The following SNTG2 variants were observed in gnomAD, a reference collection of about 807,000 sequenced individuals.
The protein encoded by SNTG2 is gamma-2-syntrophin.
Under a neutral mutation model 70.9 loss-of-function variants are expected in SNTG2, and 74 were observed. The ratio of observed to expected loss-of-function variants is 1.04; its 90% CI spans 0.86 to 1.27. SNTG2 has a LOEUF of 1.27. Ranked by LOEUF, SNTG2 falls within the 50% of genes most tolerant of loss-of-function variation. The pLI is 0.00. For synonymous variants in SNTG2, 278 were observed against 273.8 expected (o/e 1.02, Z -0.15); for missense variants, 717 against 690.7 (o/e 1.04, Z -0.43).
At chr2:1,011,088 G>C (rs1659717422) in intron 1 of SNTG2, among the ~76,000 whole-genome samples, 1 of 152,174 alleles carries the variant, frequency 6.6e-6, no homozygotes, top group African/African-American at 2.4e-5. Flanking sequence ...TTAGTTTATT[G>C]AACGGAAGAC....
chr2:1,016,171 TAAAA>T (rs35778031), intron 1 of SNTG2, among the ~76,000 whole-genome samples: 2 of 148,940 alleles, frequency 1.3e-5, no homozygotes, highest in African/African-American at 4.9e-5. Flanking sequence ...TTCCTGTAAT[TAAAA>T]AAAAAAGTGT....
chr2:1,166,908 G>A (rs529581477), intron 7 of SNTG2, among the ~76,000 whole-genome samples: 1 of 152,142 alleles, frequency 6.6e-6, no homozygotes, highest in African/African-American at 2.4e-5. Context: ...TGGCTGGGGT[G>A]GTTGGACGAG....
intron 1 of SNTG2, among the ~76,000 whole-genome samples, chr2:1,056,294 GGGGA>G (rs1241701777): frequency 1.7e-4 from 9 of 53,878 alleles, no homozygotes; most frequent in Non-Finnish European, 2.5e-4. Flanking sequence ...GCCGTGCTGT[GGGGA>G]GGGAGGGAGG....
chr2:1,176,367 G>A (rs1001800432), intron 8 of SNTG2, among the ~76,000 whole-genome samples: 3 of 137,362 alleles, frequency 2.2e-5, no homozygotes, highest in African/African-American at 7.9e-5. Flanking sequence ...TTAATACCTG[G>A]GTAAAGAAAT....
At chr2:1,322,765 G>A (rs1681590271) in intron 16 of SNTG2, among the ~76,000 whole-genome samples, 1 of 151,968 alleles carries the variant, frequency 6.6e-6, no homozygotes, top group Admixed American at 6.6e-5. Flanking sequence ...TGATACAAGG[G>A]AACCTATCGC....
Position 1,222,109 on chromosome 2 carries a change from C to CTCTCTGTCTCTCTCTGTCTCTG in SNTG2, c.719+12900_719+12901insGTCTCTGTCTCTCTCTGTCTCT, listed in dbSNP as rs1675198388. 9.0e-5 allele frequency among the ~76,000 whole-genome samples: 4 copies of CTCTCTGTCTCTCTCTGTCTCTG among 44,566 alleles called. No homozygotes were observed. The East Asian group carries it at 1.5e-3, about 17-fold the overall frequency. 29.2% of individuals were successfully genotyped at this position (44,566 alleles called of 152,430 possible). On this transcript the variant is annotated intron_variant, in intron 9 of 16. Transcript: ENST00000308624. Reference sequence around the variant, plus strand: ...TGTCTCTCTCTGTCTCTCTCTGTCTCTCTCTGTCTCTCTCTGTCTCTCTCT... The same window carrying CTCTCTGTCTCTCTCTGTCTCTG: ...TGTCTCTCTCTGTCTCTCTCTGTCTCTCTCTGTCTCTCTCTGTCTCTGTCTCTGTCTCTCTCTGTCTCTCTCT...
At chr2:1,223,278 G>A (rs1238737404) in intron 9 of SNTG2, among the ~76,000 whole-genome samples, 2 of 140,930 alleles carry the variant, frequency 1.4e-5, no homozygotes, top group South Asian at 2.3e-4. Flanking sequence ...GATGGAGTGC[G>A]TCTCCCTGTC....
chr2:1,130,018 A>G (rs989629096), intron 4 of SNTG2, among the ~76,000 whole-genome samples: 4 of 152,242 alleles, frequency 2.6e-5, no homozygotes, highest in Non-Finnish European at 4.4e-5. Flanking sequence ...GTTCCTGACA[A>G]TAAGAGTTAC....
At chr2:1,357,643 C>T (rs1029522427) in intron 16 of SNTG2, among the ~76,000 whole-genome samples, 1 of 152,072 alleles carries the variant, frequency 6.6e-6, no homozygotes, top group African/African-American at 2.4e-5. Flanking sequence ...GCCATCTCTT[C>T]CTCATTTTTC....
intron 6 of SNTG2, among the ~76,000 whole-genome samples, chr2:1,139,925 A>G (rs1163487567): frequency 6.6e-6 from 1 of 152,234 alleles, no homozygotes; most frequent in African/African-American, 2.4e-5. Flanking sequence ...TACTTTTTGA[A>G]CCAGACTGAT....
At chr2:1,102,991 G>T (rs1205662456) in intron 4 of SNTG2, among the ~76,000 whole-genome samples, 2 of 152,202 alleles carry the variant, frequency 1.3e-5, no homozygotes, top group Non-Finnish European at 2.9e-5. Flanking sequence ...TACCGTTGAG[G>T]TGCGGCCTGC....
intron 14 of SNTG2, among the ~76,000 whole-genome samples, chr2:1,285,172 GT>G (rs1679717572): frequency 6.6e-6 from 1 of 152,202 alleles, no homozygotes; most frequent in South Asian, 2.1e-4. Context: ...GACTTTTCAT[GT>G]TTTTCTGCCT....
At chr2:1,012,184 C>T (rs1659746867) in intron 1 of SNTG2, among the ~76,000 whole-genome samples, 1 of 152,228 alleles carries the variant, frequency 6.6e-6, no homozygotes, top group Non-Finnish European at 1.5e-5. Context: ...GAAGCCGTAA[C>T]AACACTAAGC....
chr2:1,180,042 C>G (rs1314172776), intron 8 of SNTG2, among the ~76,000 whole-genome samples: 1 of 132,404 alleles, frequency 7.6e-6, no homozygotes, highest in Non-Finnish European at 1.6e-5. Flanking sequence ...GGATCCCTTC[C>G]TTACACCTTA....
At chr2:1,068,922 G>T (rs1663336743) in intron 1 of SNTG2, among the ~76,000 whole-genome samples, 2 of 152,190 alleles carry the variant, frequency 1.3e-5, no homozygotes, top group South Asian at 4.1e-4. Flanking sequence ...CCATGGTAGG[G>T]CCGTACTCAT....
At chr2:1,116,133 G>A (rs1666950867) in intron 4 of SNTG2, among the ~76,000 whole-genome samples, 1 of 152,196 alleles carries the variant, frequency 6.6e-6, no homozygotes, top group Admixed American at 6.5e-5. Context: ...TAGGTGGTTG[G>A]ATGTGGCGTC....
chr2:1,143,696 C>T (rs890740318), intron 6 of SNTG2, among the ~76,000 whole-genome samples: 3 of 76,642 alleles, frequency 3.9e-5, no homozygotes, highest in African/African-American at 5.8e-5. Context: ...ATGGTGAAAC[C>T]CCATCTCTAT....
chr2:1,076,558 A>G (rs1252206595), intron 1 of SNTG2, among the ~76,000 whole-genome samples: 2 of 152,218 alleles, frequency 1.3e-5, no homozygotes, highest in Admixed American at 6.5e-5. Context: ...CTTTATGTCA[A>G]GTATATTCTG....
intron 8 of SNTG2, among the ~76,000 whole-genome samples, chr2:1,185,036 G>T (rs1034236115): frequency 6.6e-6 from 1 of 152,176 alleles, no homozygotes; most frequent in African/African-American, 2.4e-5. Flanking sequence ...CAGGCATTGG[G>T]TAAATACACC....
Sources: allele counts gnomAD v4.1 joint callset (sites outside exome capture counted in the v4.1 genomes callset), GRCh38; gene constraint gnomAD v4.1.1; transcripts MANE v1.5; gene names NCBI Gene and HGNC (gene_info 2026-07-23, HGNC 2026-07-21).